The following LRRK2 variants were observed in gnomAD, a reference collection of about 807,000 sequenced individuals.
LRRK2 encodes the protein leucine-rich repeat serine/threonine-protein kinase 2.
Under a neutral mutation model 302.6 loss-of-function variants are expected in LRRK2, and 203 were observed. That is an observed-to-expected ratio of 0.67 (90% CI 0.60 to 0.75). The LOEUF is 0.75. Ranked by LOEUF, LRRK2 falls within the 30% of genes least tolerant of loss-of-function variation. LRRK2 has a pLI of 0.00. For missense variants in LRRK2, 2,830 were observed against 2,951.0 expected (o/e 0.96, Z 0.95); for synonymous variants, 1,066 against 1,031.9 (o/e 1.03, Z -0.63).
At chr12:40,288,782 A>C (rs17519902) in intron 20 of LRRK2, among the ~76,000 whole-genome samples, 1 of 151,944 alleles carries the variant, frequency 6.6e-6, no homozygotes, top group African/African-American at 2.4e-5. Context: ...GTCTTATTAT[A>C]TAAGAGTTCT....
At chr12:40,287,968 T>C (rs983865686) in intron 20 of LRRK2, among the ~76,000 whole-genome samples, 3 of 151,962 alleles carry the variant, frequency 2.0e-5, no homozygotes, top group Non-Finnish European at 4.4e-5. Flanking sequence ...AAAAAGGTTT[T>C]TATCTTTACT....
chr12:40,322,235 T>TAAAA, intron 36 of LRRK2, 54 bp downstream of exon 36: 2 of 1,384,220 alleles, frequency 1.4e-6, no homozygotes, highest in Non-Finnish European at 2.0e-6. Context: ...AATTTAAACT[T>TAAAA]AAAAAAAAAA....
chr12:40,295,284 T>C (rs1944336206), intron 22 of LRRK2, 143 bp from the exon 23 acceptor site: 2 of 717,318 alleles, frequency 2.8e-6, no homozygotes, highest in African/African-American at 1.8e-5. Flanking sequence ...GCCACTGGAA[T>C]GTAAACTCCA....
chr12:40,325,164 T>C (rs1024688342), intron 38 of LRRK2, among the ~76,000 whole-genome samples: 16 of 152,274 alleles, frequency 1.1e-4, no homozygotes, highest in African/African-American at 3.1e-4. Context: ...GGTGGGCATC[T>C]GTAATCTCAG....
At chr12:40,266,830 T>G (rs1031038561) in intron 14 of LRRK2, among the ~76,000 whole-genome samples, 7 of 151,862 alleles carry the variant, frequency 4.6e-5, no homozygotes, top group African/African-American at 9.7e-5. Flanking sequence ...CCATAAAAAA[T>G]GATGAGTTCA....
chr12:40,266,765 A>G (rs932487326), intron 14 of LRRK2, among the ~76,000 whole-genome samples: 1 of 149,816 alleles, frequency 6.7e-6, no homozygotes, highest in Admixed American at 6.6e-5. Context: ...ATGTCCAACA[A>G]TGATAGACTG....
At chr12:40,231,867 AATC>A in intron 2 of LRRK2, among the ~76,000 whole-genome samples, 1 of 150,844 alleles carries the variant, frequency 6.6e-6, no homozygotes, top group Non-Finnish European at 1.5e-5. Context: ...GCAGTGGCAC[AATC>A]TTGGCTCACT....
In LRRK2 at chr12:40,340,393, T is replaced by C. The variant is rs1019436204; in HGVS notation, c.6048T>C (p.Ala2016=). 3 of 1,613,844 alleles carry C rather than the reference T, an allele frequency of 1.9e-6. No individual in the cohort carries two copies. Among genetic ancestry groups the C allele is most frequent in the African/African-American group, 1.3e-5 (1 of 74,896 alleles). ...ATGCTGCCATCATTGCAAAGATTGC[T>C]GACTACGGCATTGCTCAGTACTGCT... ...YPNAAIIAKI[A]DYGIAQYCCR... The change falls in exon 41 of 51, where the codon GCT becomes GCC. Residue 2016 remains alanine, a synonymous_variant. Coordinates refer to ENST00000298910, the MANE Select transcript of LRRK2 (RefSeq NM_198578.4).
intron 45 of LRRK2, among the ~76,000 whole-genome samples, chr12:40,355,244 G>T (rs976206226): frequency 6.6e-6 from 1 of 152,168 alleles, no homozygotes; most frequent in African/African-American, 2.4e-5. Context: ...AATTTCAATG[G>T]ATGGAATTGG....
chr12:40,333,713 G>A (rs1447819695), intron 39 of LRRK2, among the ~76,000 whole-genome samples: 1 of 151,608 alleles, frequency 6.6e-6, no homozygotes, highest in Non-Finnish European at 1.5e-5. Context: ...TTGCAGCCAG[G>A]GATTGCCTTA....
intron 43 of LRRK2, 36 bp from the exon 44 acceptor site, chr12:40,351,503 G>A (rs113647572): frequency 1.5e-4 from 246 of 1,596,376 alleles, no homozygotes; most frequent in Non-Finnish European, 2.0e-4. Context: ...GAGTTAACTC[G>A]ATAAGTACTG....
Position 40,309,378 on chromosome 12 carries a change from A to C in LRRK2, c.4317+145A>C. The C allele has an allele frequency of 8.3e-6, 9 of 1,079,504 alleles. No individual in the cohort carries two copies. The South Asian group carries it at 1.5e-4, about 19-fold the overall frequency. The allele number at this position is 1,079,504 out of a possible 1,614,324, so 66.9% of individuals were successfully genotyped here. ...TCTTAAAAGAAGCACTAAAATTTTG[A>C]ATTGGGAAACTTTCCGAGTAATGAA... On this transcript the variant is annotated intron_variant, in intron 30 of 50. Transcript: ENST00000298910.
At chr12:40,344,573 C>T (rs1241792922) in intron 41 of LRRK2, among the ~76,000 whole-genome samples, 2 of 152,100 alleles carry the variant, frequency 1.3e-5, no homozygotes, top group African/African-American at 2.4e-5. Flanking sequence ...CCTTATCTGT[C>T]TACCACAGAT....
chr12:40,228,433 CTT>C (rs35333613), intron 2 of LRRK2, among the ~76,000 whole-genome samples: 31 of 19,306 alleles, frequency 1.6e-3, no homozygotes, highest in African/African-American at 7.5e-3. Flanking sequence ...AAAAATAAGA[CTT>C]TTTTTTTTTT....
chr12:40,233,519 G>A (rs974036349), intron 3 of LRRK2, among the ~76,000 whole-genome samples: 1 of 152,028 alleles, frequency 6.6e-6, no homozygotes, highest in Non-Finnish European at 1.5e-5. Flanking sequence ...GTACATAAAG[G>A]GTGTGTTTTG....
intron 33 of LRRK2, among the ~76,000 whole-genome samples, chr12:40,317,837 G>A (rs574321233): frequency 2.0e-5 from 3 of 152,046 alleles, no homozygotes; most frequent in Non-Finnish European, 4.4e-5. Flanking sequence ...AAACCCCCTC[G>A]AAACTTGGAG....
In LRRK2 at chr12:40,304,001, C is replaced by A; in HGVS notation, c.3644C>A (p.Ala1215Glu). The A allele has an allele frequency of 6.2e-7, 1 of 1,613,710 alleles. No individual in the cohort carries two copies. The highest frequency in any genetic ancestry group is 8.5e-7 in the Non-Finnish European group (1 of 1,179,728). The change falls in exon 27 of 51, where the codon GCA becomes GAA. Residue 1215 changes from alanine to glutamate, a missense_variant. Coordinates refer to ENST00000298910, the MANE Select transcript of LRRK2 (RefSeq NM_198578.4). Reference protein sequence around the residue: ...SNDIQYLPGPAHWKSLNLREL... With the variant: ...SNDIQYLPGPEHWKSLNLREL... ...GATATTCAGTACCTACCAGGTCCCG[C>A]ACACTGGAAATCTTTGAACTTAAGG...
intron 2 of LRRK2, among the ~76,000 whole-genome samples, chr12:40,229,517 T>C (rs2136383090): frequency 1.3e-5 from 2 of 152,332 alleles, no homozygotes; most frequent in Admixed American, 1.3e-4. Flanking sequence ...TTCACTGTGC[T>C]CCTAAATTTT....
At chr12:40,289,312 T>C (rs1944050796) in intron 20 of LRRK2, among the ~76,000 whole-genome samples, 1 of 151,734 alleles carries the variant, frequency 6.6e-6, no homozygotes, top group African/African-American at 2.4e-5. Context: ...TACTCTAGCT[T>C]AATAGCAGTT....
Sources: gnomAD v4.1 joint callset for allele counts (sites outside exome capture counted in the v4.1 genomes callset) on GRCh38, gnomAD v4.1.1 for gene constraint, MANE v1.5 for transcripts, NCBI Gene and HGNC (gene_info 2026-07-23, HGNC 2026-07-21) for gene names.